Variants in ODR4 observed in about 807,000 individuals in gnomAD.
The protein encoded by ODR4 is protein odr-4 homolog.
A neutral mutation model predicts 60.2 loss-of-function variants in ODR4; 47 were observed. The observed-to-expected ratio is 0.78, with a 90% CI of 0.62 to 1.00. ODR4 has a LOEUF of 1.00. Among genes scored for constraint, ODR4 ranks in the 50% least tolerant of loss-of-function variants. The pLI is 0.00. For synonymous variants in ODR4, 178 were observed against 175.5 expected (o/e 1.01, Z -0.11); for missense variants, 488 against 530.8 (o/e 0.92, Z 0.79).
At chr1:186,401,754 G>A (rs1164466214) in intron 11 of ODR4, among the ~76,000 whole-genome samples, 1 of 151,948 alleles carries the variant, frequency 6.6e-6, no homozygotes, top group Non-Finnish European at 1.5e-5. Context: ...GTTGCATTTG[G>A]TTTGCTAGTA....
Position 186,417,606 on chromosome 1 carries a change from A to G in ODR4, c.1249A>G (p.Lys417Glu). 1 of 1,603,944 alleles carries G rather than the reference A, an allele frequency of 6.2e-7. No homozygotes were observed. The highest frequency in any genetic ancestry group is 8.5e-7 in the Non-Finnish European group (1 of 1,174,296). Reference sequence around the variant, plus strand: ...GGACAACACAGATGATGAACAACCAAAACAACCAATTAAAACTACAATGTT... The same window carrying G: ...GGACAACACAGATGATGAACAACCAGAACAACCAATTAAAACTACAATGTT... ...SLDNTDDEQPKQPIKTTMLLK... is the reference protein window; with the variant it reads ...SLDNTDDEQPEQPIKTTMLLK... The change falls in exon 13 of 14, where the codon AAA (lysine) becomes GAA (glutamate). Residue 417 changes from lysine (K) to glutamate (E), a missense_variant. Coordinates refer to ENST00000287859, the MANE Select transcript of ODR4 (RefSeq NM_017847.6).
intron 12 of ODR4, chr1:186,411,832 CA>C (rs1242375113): frequency 1.0e-6 from 1 of 974,182 alleles, no homozygotes; most frequent in Non-Finnish European, 1.2e-6. Flanking sequence ...GATGGATTAA[CA>C]GTAGGAAGAG....
At chr1:186,414,400 A>G (rs532527384) in intron 12 of ODR4, among the ~76,000 whole-genome samples, 249 of 152,250 alleles carry the variant, frequency 1.6e-3, no homozygotes, top group African/African-American at 5.4e-3. Context: ...GTTTTTTTAT[A>G]TGCAAGTATT....
At chr1:186,411,221 A>G (rs545178041) in intron 12 of ODR4, among the ~76,000 whole-genome samples, 3 of 152,298 alleles carry the variant, frequency 2.0e-5, no homozygotes, top group African/African-American at 7.2e-5. Flanking sequence ...GTGTACTGCA[A>G]GTATTTCAGA....
the ODR4 span, among the ~76,000 whole-genome samples, chr1:186,427,162 A>G: frequency 6.6e-6 from 1 of 152,178 alleles, no homozygotes; most frequent in Admixed American, 6.5e-5. Flanking sequence ...CTTGAAAGAC[A>G]ATGACATTTG....
intron 3 of ODR4, among the ~76,000 whole-genome samples, chr1:186,385,111 A>C (rs1488530221): frequency 6.6e-6 from 1 of 152,012 alleles, no homozygotes; most frequent in Admixed American, 6.6e-5. Context: ...ACCTCAAGGG[A>C]TTTGTCCTAA....
intron 12 of ODR4, among the ~76,000 whole-genome samples, chr1:186,410,518 G>A (rs902289003): frequency 2.0e-5 from 3 of 152,122 alleles, no homozygotes; most frequent in Non-Finnish European, 2.9e-5. Context: ...AAGCCTAGAG[G>A]AAAGATAGAA....
the ODR4 span, among the ~76,000 whole-genome samples, chr1:186,432,379 A>G: frequency 1.6e-4 from 25 of 152,140 alleles, no homozygotes; most frequent in Non-Finnish European, 8.8e-5. Flanking sequence ...TGGTACAAAG[A>G]TTATATGAGT....
Position 186,383,125 on chromosome 1 carries a change from A to T in ODR4, c.203A>T (p.Asp68Val). ...CCCAAAGCTAAGTTGGATAACTTGG[A>T]TGAAGAATGGGCCACAGAACATGCC... is the stretch of plus-strand genomic sequence containing the variant. ...KHPKAKLDNL[D>V]EEWATEHACQ... is the part of the protein sequence containing the mutation. Residue 68 changes from aspartate (D) to valine (V), a missense_variant, in exon 3 of 14, where the codon GAT (aspartate) becomes GTT (valine). Coordinates refer to ENST00000287859, the MANE Select transcript of ODR4 (RefSeq NM_017847.6). The T allele has an allele frequency of 6.4e-7, 1 of 1,555,486 alleles. No homozygotes were observed. The highest frequency in any genetic ancestry group is 8.7e-7 in the Non-Finnish European group (1 of 1,148,822).
At chr1:186,381,332 C>CTTTTTTTTTTTTTTTTTTTTTT (rs752239468) in intron 2 of ODR4, among the ~76,000 whole-genome samples, 7 of 144,598 alleles carry the variant, frequency 4.8e-5, no homozygotes, top group African/African-American at 1.8e-4. Context: ...GGCCTTCCTT[C>CTTTTTTTTTTTTTTTTTTTTTT]TTTTTTTTTT....
chr1:186,378,695 T>C (rs940436818), intron 1 of ODR4, among the ~76,000 whole-genome samples: 1 of 152,218 alleles, frequency 6.6e-6, no homozygotes, highest in African/African-American at 2.4e-5. Flanking sequence ...CCTTTGCCAC[T>C]TACCCAGCTT....
chr1:186,412,588 AAAATT>A (rs1484424632), intron 12 of ODR4, among the ~76,000 whole-genome samples: 2 of 152,202 alleles, frequency 1.3e-5, no homozygotes, highest in African/African-American at 2.4e-5. Context: ...TTTTAATAGA[AAAATT>A]AAGTGCTTTT....
chr1:186,400,910 GCC>G, intron 11 of ODR4: 1 of 741,306 alleles, frequency 1.3e-6, no homozygotes, highest in Non-Finnish European at 2.3e-6. Flanking sequence ...CAGTCTAGCA[GCC>G]CCATCTCAGT....
At position 186,421,306 on chromosome 1, in the gene ODR4, TTATAA is replaced by T. The variant is rs1661765315; in HGVS notation, c.*2232_*2236del. 3 of 152,330 alleles carry T rather than the reference TTATAA, an allele frequency of 2.0e-5. 1 individual carries two copies. Among genetic ancestry groups the T allele is most frequent in the East Asian group, 3.9e-4 (2 of 5,190 alleles). The allele number at this position is 152,330 out of a possible 1,614,324, so 9.4% of individuals were successfully genotyped here. ...TTAAACTGTTGTTTGTATAAAACAATTATAATGAAGTGTTTATAAGAAATTGTAAA... is the reference window on the plus strand; with the variant it reads ...TTAAACTGTTGTTTGTATAAAACAATTGAAGTGTTTATAAGAAATTGTAAA... On this transcript the variant is annotated 3_prime_UTR_variant, in exon 14 of 14. Transcript: ENST00000287859.
chr1:186,401,023 G>T (rs766567965), intron 11 of ODR4: 1 of 1,580,412 alleles, frequency 6.3e-7, no homozygotes, highest in South Asian at 1.1e-5. Context: ...TAGCTGCATT[G>T]CAGGTTTCAG....
chr1:186,398,963 A>C lies in ODR4; in HGVS notation c.919A>C (p.Arg307=). Reference sequence around the variant, plus strand: ...GTGTTTTTCCCTGTAGGCAGTAAAGAGGGATATATTGAACACAGTTGCTGA... The same window carrying C: ...GTGTTTTTCCCTGTAGGCAGTAAAGCGGGATATATTGAACACAGTTGCTGA... ...KVKDAVQAVK[R]DILNTVADRC... The change falls in exon 11 of 14, where the codon AGG becomes CGG. Residue 307 remains arginine (R), a synonymous_variant. Transcript: ENST00000287859. The C allele has an allele frequency of 6.2e-7, 1 of 1,608,834 alleles. No homozygotes were observed. The highest frequency in any genetic ancestry group is 1.3e-5 in the African/African-American group (1 of 74,852).
chr1:186,417,901 C>T (rs956473864), intron 13 of ODR4, among the ~76,000 whole-genome samples: 7 of 152,088 alleles, frequency 4.6e-5, no homozygotes, highest in African/African-American at 1.7e-4. Context: ...GAAAAAGCTG[C>T]AGAGTTTTGG....
rs115401495 is a variant in ODR4, at chr1:186,393,779, A to G, written c.712-168A>G. Among the ~76,000 whole-genome samples, 1,030 of 152,366 alleles carry G rather than the reference A, an allele frequency of 6.8e-3. 13 individuals are homozygous for G. The highest frequency in any genetic ancestry group is 0.022 in the African/African-American group (925 of 41,586). On this transcript the variant is annotated intron_variant, in intron 8 of 13. Transcript: ENST00000287859. ...TGGAATTAATTGTTTTAAAGAGTGT[A>G]CATTGATACAGAATACATAAAGTAA...
At chr1:186,431,582 T>G in the ODR4 span, among the ~76,000 whole-genome samples, 1 of 152,166 alleles carries the variant, frequency 6.6e-6, no homozygotes, top group Non-Finnish European at 1.5e-5. Context: ...GGAAAAAAAG[T>G]GATACATACA....
Sources: gnomAD v4.1 joint callset for allele counts (sites outside exome capture counted in the v4.1 genomes callset) on GRCh38, gnomAD v4.1.1 for gene constraint, MANE v1.5 for transcripts, NCBI Gene and HGNC (gene_info 2026-07-23, HGNC 2026-07-21) for gene names.